The following SLC1A1 variants were observed in gnomAD, a reference collection of about 807,000 sequenced individuals.
SLC1A1 encodes the protein excitatory amino acid transporter 3.
A neutral mutation model predicts 53.3 loss-of-function variants in SLC1A1; 43 were observed. The ratio of observed to expected loss-of-function variants is 0.81; its 90% CI spans 0.63 to 1.04. SLC1A1 has a LOEUF of 1.04. SLC1A1 is among the 50% of genes least tolerant of loss of function. The pLI, the probability that SLC1A1 is intolerant of heterozygous loss-of-function variation, is 0.00. For synonymous variants in SLC1A1, 307 were observed against 243.2 expected (o/e 1.26, Z -2.44); for missense variants, 748 against 664.9 (o/e 1.12, Z -1.37).
intron 1 of SLC1A1, among the ~76,000 whole-genome samples, chr9:4,504,644 G>C (rs1484700638): frequency 1.3e-5 from 2 of 152,220 alleles, no homozygotes; most frequent in African/African-American, 2.4e-5. Flanking sequence ...AAGTGATGGA[G>C]ATAAAGATCT....
chr9:4,541,091 T>C (rs1816965494), intron 1 of SLC1A1, among the ~76,000 whole-genome samples: 3 of 152,216 alleles, frequency 2.0e-5, no homozygotes, highest in Non-Finnish European at 4.4e-5. Context: ...TGCTGGGGCT[T>C]TGGGGGTCCA....
At chr9:4,536,591 G>C (rs907864762) in intron 1 of SLC1A1, among the ~76,000 whole-genome samples, 3 of 152,206 alleles carry the variant, frequency 2.0e-5, no homozygotes, top group Non-Finnish European at 4.4e-5. Context: ...TTACACTGTT[G>C]GTGGGACTGT....
chr9:4,576,471 G>C, intron 9 of SLC1A1, 98 bp from the exon 10 acceptor site: 1 of 961,772 alleles, frequency 1.0e-6, no homozygotes, highest in Non-Finnish European at 1.7e-6. Flanking sequence ...TACCTAAAAG[G>C]ACCCTTTGTT....
chr9:4,568,345 G>A (rs953977439), intron 6 of SLC1A1, among the ~76,000 whole-genome samples: 1 of 151,292 alleles, frequency 6.6e-6, no homozygotes, highest in Non-Finnish European at 1.5e-5. Context: ...TTGTTCCAGG[G>A]AATTCAAGGC....
At chr9:4,544,539 CCTT>C (rs746457522) in intron 1 of SLC1A1, 25 bp from the exon 2 acceptor site, 1 of 1,609,284 alleles carries the variant, frequency 6.2e-7, no homozygotes, top group Non-Finnish European at 8.5e-7. Flanking sequence ...TGTTCCTCTT[CCTT>C]CTTTCCAACT....
chr9:4,580,639 G>GTA lies in SLC1A1; in HGVS notation c.1194-2398_1194-2397insAT, dbSNP rs772684124. 8.3e-3 allele frequency among the ~76,000 whole-genome samples: 1,182 copies of GTA among 142,772 alleles called. 25 individuals carry two copies. The highest frequency in any genetic ancestry group is 0.015 in the South Asian group (66 of 4,474). The allele number at this position is 142,772 out of a possible 152,430, so 93.7% of individuals were successfully genotyped here. ...TGTGTGTGTGTGTGTGTGTGTGTGTGTGTGTGTGTGTGTATAAGGAATAAA... is the reference window on the plus strand; with the variant it reads ...TGTGTGTGTGTGTGTGTGTGTGTGTGTATGTGTGTGTGTGTATAAGGAATAAA... On this transcript the variant is annotated intron_variant, in intron 10 of 11. Coordinates refer to ENST00000262352, the MANE Select transcript of SLC1A1 (RefSeq NM_004170.6).
chr9:4,514,841 C>G (rs368529032), intron 1 of SLC1A1, among the ~76,000 whole-genome samples: 1 of 152,048 alleles, frequency 6.6e-6, no homozygotes, highest in Non-Finnish European at 1.5e-5. Flanking sequence ...GATGAAGTAG[C>G]CTTGGTGAGA....
intron 5 of SLC1A1, 58 bp from the exon 6 acceptor site, chr9:4,567,611 A>G: frequency 8.8e-7 from 1 of 1,137,020 alleles, no homozygotes; most frequent in Admixed American, 1.9e-5. Flanking sequence ...TTTAGTCTCA[A>G]AAGCTTAAAA....
At chr9:4,518,168 G>A (rs1375951815) in intron 1 of SLC1A1, among the ~76,000 whole-genome samples, 1 of 132,324 alleles carries the variant, frequency 7.6e-6, no homozygotes, top group African/African-American at 2.8e-5. Context: ...CTGGGAGGCA[G>A]AGGTTGCAGT....
At chr9:4,570,306 T>C (rs922874844) in intron 6 of SLC1A1, among the ~76,000 whole-genome samples, 4 of 152,174 alleles carry the variant, frequency 2.6e-5, no homozygotes, top group African/African-American at 9.7e-5. Context: ...AGTAATACTC[T>C]AGCTTTTCCC....
chr9:4,557,437 G>C (rs1421245517), intron 2 of SLC1A1, among the ~76,000 whole-genome samples: 1 of 152,186 alleles, frequency 6.6e-6, no homozygotes, highest in Admixed American at 6.5e-5. Context: ...GGTCTAGAGA[G>C]ATTGGGCTGT....
chr9:4,566,088 A>C lies in SLC1A1; in HGVS notation c.482A>C (p.Gln161Pro). Residue 161 changes from glutamine (Q) to proline (P), a missense_variant and splice_region_variant, in exon 5 of 12, where the codon CAG (glutamine) becomes CCG (proline). Gln to Pro is a moderately conservative substitution (Grantham distance 76, BLOSUM62 -1). Transcript: ENST00000262352. ...PENLVQACFQQYKTKREEVKP... is the reference protein window; with the variant it reads ...PENLVQACFQPYKTKREEVKP... Reference sequence around the variant, plus strand: ...AATCTTGTCCAGGCCTGTTTTCAGCAGGTAATATTAATTACTTGTGCCCTT... The same window carrying C: ...AATCTTGTCCAGGCCTGTTTTCAGCCGGTAATATTAATTACTTGTGCCCTT... 1 of 1,611,912 alleles carries C rather than the reference A, an allele frequency of 6.2e-7. No homozygotes were observed. The highest frequency in any genetic ancestry group is 8.5e-7 in the Non-Finnish European group (1 of 1,178,040).
chr9:4,539,856 C>T (rs1210438118), intron 1 of SLC1A1, among the ~76,000 whole-genome samples: 1 of 152,298 alleles, frequency 6.6e-6, no homozygotes, highest in East Asian at 1.9e-4. Flanking sequence ...AGCCATGAGC[C>T]ACTGTACCCG....
Position 4,567,650 on chromosome 9 carries a change from G to T in SLC1A1, c.484-19G>T. ...ATTCTTTTTTTGTTTGCTTGTCCTT[G>T]ATTTTCTCCAACATGCAGTACAAAA... On this transcript the variant is annotated intron_variant, in intron 5 of 11. Coordinates refer to ENST00000262352, the MANE Select transcript of SLC1A1 (RefSeq NM_004170.6). The T allele has an allele frequency of 6.5e-7, 1 of 1,544,772 alleles. No homozygotes were observed. The highest frequency in any genetic ancestry group is 8.9e-7 in the Non-Finnish European group (1 of 1,118,036).
At chr9:4,568,577 C>G (rs1397511356) in intron 6 of SLC1A1, among the ~76,000 whole-genome samples, 1 of 151,686 alleles carries the variant, frequency 6.6e-6, no homozygotes, top group African/African-American at 2.4e-5. Flanking sequence ...TAATATTACC[C>G]AGGTGTGGTG....
At chr9:4,568,695 C>CAA (rs57351478) in intron 6 of SLC1A1, among the ~76,000 whole-genome samples, 34 of 102,776 alleles carry the variant, frequency 3.3e-4, no homozygotes, top group African/African-American at 7.9e-4. Context: ...ACTCTTGTTT[C>CAA]AAAAAAAAAA....
intron 3 of SLC1A1, among the ~76,000 whole-genome samples, chr9:4,563,148 A>G (rs551335532): frequency 2.5e-4 from 37 of 149,448 alleles, no homozygotes; most frequent in South Asian, 1.7e-3. Context: ...GAGAGAGAGA[A>G]AAAAAAAAAA....
chr9:4,521,846 C>G (rs993373690), intron 1 of SLC1A1, among the ~76,000 whole-genome samples: 1 of 152,060 alleles, frequency 6.6e-6, no homozygotes, highest in Non-Finnish European at 1.5e-5. Flanking sequence ...AAGACCTTTA[C>G]AAAGGGAGCA....
intron 8 of SLC1A1, among the ~76,000 whole-genome samples, chr9:4,574,540 T>G (rs747775559): frequency 2.2e-4 from 33 of 152,074 alleles, no homozygotes; most frequent in Non-Finnish European, 4.1e-4. Context: ...AGGAGAATCT[T>G]GAGGCTGGGA....
Sources: gnomAD v4.1 joint callset for allele counts (sites outside exome capture counted in the v4.1 genomes callset) on GRCh38, gnomAD v4.1.1 for gene constraint, MANE v1.5 for transcripts, NCBI Gene and HGNC (gene_info 2026-07-23, HGNC 2026-07-21) for gene names.